Variants in STAT5B observed in about 807,000 individuals in gnomAD.
STAT5B encodes the protein signal transducer and activator of transcription 5B.
Under a neutral mutation model 107.8 loss-of-function variants are expected in STAT5B, and 21 were observed. The observed-to-expected ratio is 0.19, with a 90% confidence interval of 0.14 to 0.28. The LOEUF (loss-of-function observed/expected upper bound fraction) is 0.28. STAT5B is among the 10% of genes least tolerant of loss of function. The pLI, the probability that STAT5B is intolerant of heterozygous loss-of-function variation, is 1.00. For synonymous variants in STAT5B, 325 were observed against 401.7 expected, an observed-to-expected ratio of 0.81 and a Z score of 2.28; for missense variants, 565 against 1,008.2, an observed-to-expected ratio of 0.56 and a Z score of 5.95.
At chr17:42,215,260 G>C (rs925513716) in intron 12 of STAT5B, among the ~76,000 whole-genome samples, 8 of 152,216 alleles carry the variant, frequency 5.3e-5, no homozygotes, top group Admixed American at 5.2e-4. Context: ...CTATGCTAAA[G>C]TAAGCCTCTG....
intron 1 of STAT5B, among the ~76,000 whole-genome samples, chr17:42,266,082 G>C (rs564316509): frequency 6.6e-6 from 1 of 152,004 alleles, no homozygotes; most frequent in Non-Finnish European, 1.5e-5. Context: ...AAATATTTAT[G>C]TATACATATA....
chr17:42,230,394 T>A (rs1007224260), intron 2 of STAT5B, among the ~76,000 whole-genome samples: 4 of 152,146 alleles, frequency 2.6e-5, no homozygotes. Context: ...ATATGTCAGA[T>A]CGACTGACAG....
chr17:42,242,593 G>A (rs2080413309), intron 1 of STAT5B, among the ~76,000 whole-genome samples: 1 of 150,440 alleles, frequency 6.6e-6, no homozygotes, highest in Non-Finnish European at 1.5e-5. Context: ...TCTAATCAAT[G>A]ATCCCACCCC....
At chr17:42,207,356 G>A (rs1036376016) in intron 16 of STAT5B, among the ~76,000 whole-genome samples, 2 of 152,036 alleles carry the variant, frequency 1.3e-5, no homozygotes, top group Non-Finnish European at 2.9e-5. Context: ...GGGGTTAGTG[G>A]TAGATGTGTT....
At chr17:42,263,031 A>AT (rs373970830) in intron 1 of STAT5B, among the ~76,000 whole-genome samples, 17 of 88,272 alleles carry the variant, frequency 1.9e-4, no homozygotes, top group Admixed American at 3.9e-4. Flanking sequence ...AACAAAAACA[A>AT]TTTTTTTTTT....
chr17:42,212,178 A>G lies in STAT5B; in HGVS notation c.1486T>C (p.Phe496Leu). The G allele has an allele frequency of 6.2e-7, 1 of 1,614,160 alleles. No homozygotes were observed. ...NAFAEPGRVP[F>L]AVPDKVLWPQ... ...CACAGCACTTTGTCAGGCACGGCAA[A>G]TGGCACCCTGCCCTGAGAGGGAGAG... Residue 496 changes from phenylalanine to leucine, a missense_variant, in exon 13 of 19, where the codon TTT (phenylalanine) becomes CTT (leucine). Coordinates refer to ENST00000293328, the MANE Select transcript of STAT5B (RefSeq NM_012448.4).
chr17:42,202,401 T>C lies in STAT5B; in HGVS notation c.2176A>G (p.Met726Val), dbSNP rs1598292098. The C allele has an allele frequency of 6.2e-7, 1 of 1,614,232 alleles. No homozygotes were observed. The highest frequency in any genetic ancestry group is 8.5e-7 in the Non-Finnish European group (1 of 1,180,032). ...ACAGCTGGGGAGGGGGCCTGGTCCA[T>C]GTACGTGGCGCTGCCGCCCCCGGCA... ...ADAGGGSATY[M>V]DQAPSPAVCP... The change falls in exon 18 of 19, where the codon ATG becomes GTG. Residue 726 changes from methionine to valine, a missense_variant. Transcript: ENST00000293328.
At chr17:42,268,051 A>G (rs2080689644) in intron 1 of STAT5B, among the ~76,000 whole-genome samples, 1 of 152,174 alleles carries the variant, frequency 6.6e-6, no homozygotes, top group South Asian at 2.1e-4. Flanking sequence ...TTCAAAATAC[A>G]TTTAATGTAG....
chr17:42,230,720 G>A (rs899092914), intron 2 of STAT5B, among the ~76,000 whole-genome samples: 4 of 151,852 alleles, frequency 2.6e-5, no homozygotes, highest in Non-Finnish European at 5.9e-5. Flanking sequence ...GAGTGCAGTA[G>A]TGCGATCTCG....
chr17:42,238,207 C>T (rs2144316292), intron 1 of STAT5B, among the ~76,000 whole-genome samples: 1 of 152,110 alleles, frequency 6.6e-6, no homozygotes, highest in Middle Eastern at 3.4e-3. Flanking sequence ...GATCATGGTT[C>T]ACTGCAGCCT....
At chr17:42,259,972 T>C (rs1598335527) in intron 1 of STAT5B, among the ~76,000 whole-genome samples, 1 of 152,120 alleles carries the variant, frequency 6.6e-6, no homozygotes, top group Non-Finnish European at 1.5e-5. Flanking sequence ...TTTGTATTTG[T>C]TGATTGTAAG....
chr17:42,217,400 G>A lies in STAT5B; in HGVS notation c.1234C>T (p.Leu412Phe). The change falls in exon 10 of 19, where the codon CTT (leucine) becomes TTT (phenylalanine). Residue 412 changes from leucine (L) to phenylalanine (F), a missense_variant. By Grantham distance (22) the Leu-to-Phe change is conservative (BLOSUM62 0). This residue lies in a region of STAT5B where 70 missense variants were observed against 73.2 expected (regional missense o/e 0.96). Coordinates refer to ENST00000293328, the MANE Select transcript of STAT5B (RefSeq NM_012448.4). ...VMEYHQATGT[L>F]SAHFRNMSLK... ...ACCATATTCCTGAAGTGGGCACTAA[G>A]GGTGCCTGTGGCTTGGTGGTACTCC... 2.5e-6 allele frequency: 4 copies of A among 1,614,224 alleles called. No individual in the cohort carries two copies. The highest frequency in any genetic ancestry group is 3.4e-6 in the Non-Finnish European group (4 of 1,180,036).
chr17:42,210,925 G>A (rs1206132592), intron 13 of STAT5B, among the ~76,000 whole-genome samples: 1 of 152,214 alleles, frequency 6.6e-6, no homozygotes, highest in Non-Finnish European at 1.5e-5. Context: ...TGATAGCCGG[G>A]CATGGTGGCT....
intron 16 of STAT5B, among the ~76,000 whole-genome samples, chr17:42,206,344 C>T (rs2080084730): frequency 6.6e-6 from 1 of 152,150 alleles, no homozygotes; most frequent in South Asian, 2.1e-4. Flanking sequence ...CCTGCCTCGG[C>T]CTCCCAAAAG....
chr17:42,263,763 G>C (rs919670877), intron 1 of STAT5B, among the ~76,000 whole-genome samples: 2 of 151,950 alleles, frequency 1.3e-5, no homozygotes, highest in Non-Finnish European at 2.9e-5. Context: ...CTGGACTCAA[G>C]TGATCCTCCC....
chr17:42,201,943 G>A, intron 18 of STAT5B, 79 bp from the exon 19 acceptor site: 1 of 1,375,726 alleles, frequency 7.3e-7, no homozygotes, highest in Non-Finnish European at 1.0e-6. Context: ...GCCACCAGGG[G>A]AGCAGTCTGA....
At chr17:42,228,629 G>A (rs767373180) in intron 2 of STAT5B, among the ~76,000 whole-genome samples, 1 of 152,170 alleles carries the variant, frequency 6.6e-6, no homozygotes, top group Non-Finnish European at 1.5e-5. Context: ...GCACCAACAA[G>A]TGTATCAAAA....
At chr17:42,282,879 A>C in the STAT5B span, among the ~76,000 whole-genome samples, 2 of 152,316 alleles carry the variant, frequency 1.3e-5, no homozygotes, top group African/African-American at 4.8e-5. Context: ...GGTAGATGGA[A>C]TGAAAGGGGC....
the STAT5B span, among the ~76,000 whole-genome samples, chr17:42,284,264 C>CT: frequency 1.6e-3 from 228 of 145,492 alleles, 1 homozygote; most frequent in Non-Finnish European, 1.7e-3. Flanking sequence ...CTCTCTCCCT[C>CT]TTTTTTTTTT....
Sources: gnomAD v4.1 joint callset for allele counts (sites outside exome capture counted in the v4.1 genomes callset) on GRCh38, gnomAD v4.1.1 for gene constraint, gnomAD v4.1.1 regional missense constraint, MANE v1.5 for transcripts, NCBI Gene and HGNC (gene_info 2026-07-23, HGNC 2026-07-21) for gene names.